MEF2A: variants seen among roughly 807,000 people sequenced by gnomAD.
The protein encoded by MEF2A is myocyte enhancer factor 2A.
In MEF2A, 28 loss-of-function variants were observed where a neutral mutation model predicts 55.8. That is an observed-to-expected ratio of 0.50 (90% CI 0.37 to 0.69). The LOEUF (loss-of-function observed/expected upper bound fraction) is 0.69, where lower values mean the gene tolerates loss of function less well. MEF2A is among the 30% of genes least tolerant of loss of function. The pLI is 0.00. For synonymous variants in MEF2A, 239 were observed against 227.1 expected (o/e 1.05, Z -0.47); for missense variants, 528 against 626.2 (o/e 0.84, Z 1.67).
chr15:99,623,521 G>A (rs2041582154), intron 2 of MEF2A, among the ~76,000 whole-genome samples: 1 of 152,184 alleles, frequency 6.6e-6, no homozygotes, highest in Non-Finnish European at 1.5e-5. Flanking sequence ...CCCAAGAACA[G>A]TGCACAAGTG....
intron 5 of MEF2A, among the ~76,000 whole-genome samples, chr15:99,672,823 T>C (rs527644621): frequency 6.6e-6 from 1 of 152,304 alleles, no homozygotes; most frequent in African/African-American, 2.4e-5. Context: ...TTATACAATA[T>C]TTTTCATAAT....
chr15:99,627,351 T>TA (rs1243964944), intron 2 of MEF2A, among the ~76,000 whole-genome samples: 1 of 127,938 alleles, frequency 7.8e-6, no homozygotes, highest in Non-Finnish European at 1.6e-5. Flanking sequence ...ACCCAGGAGG[T>TA]AGAGGTTTCA....
intron 4 of MEF2A, among the ~76,000 whole-genome samples, chr15:99,667,334 C>G (rs570232834): frequency 4.2e-4 from 64 of 152,272 alleles, no homozygotes; most frequent in Non-Finnish European, 8.1e-4. Context: ...CATTCTCCTG[C>G]CTCAGCCTCC....
At chr15:99,702,825 A>G (rs2057576884) in intron 8 of MEF2A, among the ~76,000 whole-genome samples, 1 of 152,030 alleles carries the variant, frequency 6.6e-6, no homozygotes, top group Admixed American at 6.6e-5. Flanking sequence ...GGTATTTAAA[A>G]CTCATGTATT....
chr15:99,674,715 A>T, intron 6 of MEF2A, 103 bp downstream of exon 6: 1 of 963,610 alleles, frequency 1.0e-6, no homozygotes, highest in Admixed American at 2.2e-5. Context: ...TATTGCTTTG[A>T]TGAGCAAGAA....
chr15:99,706,985 A>G (rs942861078), intron 10 of MEF2A, 130 bp downstream of exon 10: 2 of 1,198,588 alleles, frequency 1.7e-6, no homozygotes, highest in Non-Finnish European at 2.3e-6. Flanking sequence ...TTAAATTAGG[A>G]TGTATTTTTC....
rs151202131 is a variant in MEF2A at position 99,704,571 on chromosome 15, A to C, written c.882+1186A>C. ...ACTATACTGCCCTCTTGTGGTTCTG[A>C]AAATCACTCACTCTTGTAGAACTCA... On this transcript the variant is annotated intron_variant, in intron 9 of 11. Transcript: ENST00000557942. Among the ~76,000 whole-genome samples the C allele has an allele frequency of 7.9e-5, 12 of 152,322 alleles. No homozygotes were observed. The East Asian group carries it at 1.9e-3, about 24-fold the overall frequency.
intron 7 of MEF2A, among the ~76,000 whole-genome samples, chr15:99,681,256 T>C (rs2053195385): frequency 6.6e-6 from 1 of 152,232 alleles, no homozygotes; most frequent in Non-Finnish European, 1.5e-5. Flanking sequence ...GTTTGCATTG[T>C]AGCAGGCACA....
intron 1 of MEF2A, among the ~76,000 whole-genome samples, chr15:99,584,506 G>A (rs1322387510): frequency 6.6e-6 from 1 of 152,178 alleles, no homozygotes; most frequent in Admixed American, 6.5e-5. Context: ...GCAATAAAAA[G>A]GAATGAAGTG....
chr15:99,688,947 G>T (rs2054838532), intron 7 of MEF2A, among the ~76,000 whole-genome samples: 1 of 152,070 alleles, frequency 6.6e-6, no homozygotes, highest in South Asian at 2.1e-4. Flanking sequence ...CTGGGGGCTG[G>T]AGGGAGGGTT....
At position 99,712,397 on chromosome 15, in the gene MEF2A, G is replaced by A. The variant is rs2058737971; in HGVS notation, c.1144G>A (p.Gly382Arg). Residue 382 changes from glycine (G) to arginine (R), a missense_variant, in exon 12 of 12, where the codon GGG becomes AGG. Transcript: ENST00000557942. This position sits in a 1 kb window ranked among gnomAD's most constrained non-coding sequence, Gnocchi z 4.1. ...CTCTTTTTTTTCCTTCAGTGCTGGA[G>A]GGCAGTTATCTCAGGGTTCCAATTT... The part of the protein sequence containing the change: ...QAALSSLVAG[G>R]QLSQGSNLSI... 2.6e-6 allele frequency: 4 copies of A among 1,535,294 alleles called. No homozygotes were observed. The highest frequency in any genetic ancestry group is 4.0e-5 in the Admixed American group (2 of 50,470).
At chr15:99,614,216 T>G (rs993414254) in intron 2 of MEF2A, among the ~76,000 whole-genome samples, 4 of 152,206 alleles carry the variant, frequency 2.6e-5, no homozygotes, top group Non-Finnish European at 5.9e-5. Context: ...AGATATTTAA[T>G]AAATATTAAG....
intron 1 of MEF2A, among the ~76,000 whole-genome samples, chr15:99,573,471 A>T: frequency 6.6e-6 from 1 of 152,180 alleles, no homozygotes; most frequent in Admixed American, 6.5e-5. Context: ...TGTGGAGCAC[A>T]AGGGGCATTT....
intron 4 of MEF2A, among the ~76,000 whole-genome samples, chr15:99,648,043 AATGCATCTATACAGTTTGCT>A (rs2046262643): frequency 6.6e-6 from 1 of 152,192 alleles, no homozygotes; most frequent in Non-Finnish European, 1.5e-5. Context: ...GGCTTACGCT[AATGCATCTATACAGTTTGCT>A]ATGGTTCAAA....
At chr15:99,676,489 C>A (rs2052068543) in intron 7 of MEF2A, among the ~76,000 whole-genome samples, 1 of 151,554 alleles carries the variant, frequency 6.6e-6, no homozygotes, top group African/African-American at 2.4e-5. Flanking sequence ...GTTGACACCC[C>A]AAAAGGCTGG....
At chr15:99,655,689 G>C (rs2047586738) in intron 4 of MEF2A, among the ~76,000 whole-genome samples, 1 of 152,096 alleles carries the variant, frequency 6.6e-6, no homozygotes, top group African/African-American at 2.4e-5. Flanking sequence ...GGTTTGAATG[G>C]AGAGGGGAGA....
At chr15:99,693,311 T>C (rs1250162370) in intron 8 of MEF2A, among the ~76,000 whole-genome samples, 1 of 152,088 alleles carries the variant, frequency 6.6e-6, no homozygotes, top group African/African-American at 2.4e-5. Context: ...GTATAACATA[T>C]TTATAATTGG....
rs369917643 is a variant in MEF2A, at chr15:99,703,190, C to T, written c.859-172C>T. Reference sequence around the variant, plus strand: ...AATAATTTTTCTAGTCTTTTGAAAACTCAACAAGTAGAGACAAGTAATTTA... The same window carrying T: ...AATAATTTTTCTAGTCTTTTGAAAATTCAACAAGTAGAGACAAGTAATTTA... On this transcript the variant is annotated intron_variant, in intron 8 of 11. Coordinates refer to ENST00000557942, the MANE Select transcript of MEF2A (RefSeq NM_001319206.4). Among the ~76,000 whole-genome samples, 19 of 152,332 alleles carry T rather than the reference C, an allele frequency of 1.2e-4. No homozygotes were observed. In the East Asian group the frequency reaches 2.5e-3, roughly 20 times the overall value.
At chr15:99,687,847 C>T (rs1224254747) in intron 7 of MEF2A, among the ~76,000 whole-genome samples, 1 of 152,184 alleles carries the variant, frequency 6.6e-6, no homozygotes, top group Non-Finnish European at 1.5e-5. Flanking sequence ...GGTTTCTCTA[C>T]ATATACCCTC....
Sources: allele counts gnomAD v4.1 joint callset (sites outside exome capture counted in the v4.1 genomes callset), GRCh38; gene constraint gnomAD v4.1.1; non-coding constraint Gnocchi (gnomAD v3.1); transcripts MANE v1.5; gene names NCBI Gene and HGNC (gene_info 2026-07-23, HGNC 2026-07-21).